LMAN1: variants seen among roughly 807,000 people sequenced by gnomAD.
LMAN1 encodes protein ERGIC-53.
A neutral mutation model predicts 67.8 loss-of-function variants in LMAN1; 32 were observed. The ratio of observed to expected loss-of-function variants is 0.47; its 90% CI spans 0.36 to 0.63. The LOEUF (loss-of-function observed/expected upper bound fraction) is 0.63, where lower values mean the gene tolerates loss of function less well. LMAN1 is among the 30% of genes least tolerant of loss of function. The pLI, the probability that LMAN1 is intolerant of heterozygous loss-of-function variation, is 0.00. For missense variants in LMAN1, 632 were observed against 628.2 expected (o/e 1.01, Z -0.06); for synonymous variants, 235 against 219.3 (o/e 1.07, Z -0.63).
chr18:59,340,907 C>T (rs1338707656), intron 8 of LMAN1, among the ~76,000 whole-genome samples: 1 of 152,050 alleles, frequency 6.6e-6, no homozygotes, highest in Non-Finnish European at 1.5e-5. Context: ...ATTAAATGTT[C>T]CACTAAAAGA....
At chr18:59,346,728 C>G (rs1603395308) in intron 7 of LMAN1, among the ~76,000 whole-genome samples, 1 of 151,340 alleles carries the variant, frequency 6.6e-6, no homozygotes, top group East Asian at 2.0e-4. Flanking sequence ...CCATGTTGGT[C>G]AGGCTGGTCT....
At chr18:59,351,850 AATT>A (rs1454998433) in intron 5 of LMAN1, among the ~76,000 whole-genome samples, 1 of 152,176 alleles carries the variant, frequency 6.6e-6, no homozygotes, top group Non-Finnish European at 1.5e-5. Flanking sequence ...CAGGGTGAAT[AATT>A]ATAGTGGAAT....
rs2070739878 is a variant in LMAN1 at position 59,330,332 on chromosome 18, C to T, written c.*761G>A. The T allele has an allele frequency of 6.6e-6, 1 of 152,444 alleles. No individual in the cohort carries two copies. Among genetic ancestry groups the T allele is most frequent in the Non-Finnish European group, 1.5e-5 (1 of 67,992 alleles). 9.4% of individuals were successfully genotyped at this position (152,444 alleles called of 1,614,324 possible). ...TAAAAATTATTTTCATAATATTGAC[C>T]TGACCCCATTGGAATGAAGACATTC... is the stretch of plus-strand genomic sequence containing the variant. On this transcript the variant is annotated 3_prime_UTR_variant, in exon 13 of 13. Transcript: ENST00000251047.
In LMAN1 at chr18:59,338,930, C is replaced by T; in HGVS notation, c.979G>A (p.Gly327Arg). The T allele has an allele frequency of 6.2e-7, 1 of 1,612,940 alleles. No homozygotes were observed. The highest frequency in any genetic ancestry group is 1.1e-5 in the South Asian group (1 of 91,062). Residue 327 changes from glycine to arginine, a missense_variant, in exon 9 of 13, where the codon GGA becomes AGA. Coordinates refer to ENST00000251047, the MANE Select transcript of LMAN1 (RefSeq NM_005570.4). ...AAGACTTGTCTTAGCTCTCGATCTCCTACACTCTCAAATATTTCCTCCGCT... is the reference window on the plus strand; with the variant it reads ...AAGACTTGTCTTAGCTCTCGATCTCTTACACTCTCAAATATTTCCTCCGCT... The part of the protein sequence containing the change: ...QPAEEIFESV[G>R]DRELRQVFEG...
At chr18:59,348,907 G>A (rs1246156818) in intron 6 of LMAN1, among the ~76,000 whole-genome samples, 3 of 152,148 alleles carry the variant, frequency 2.0e-5, no homozygotes, top group African/African-American at 7.2e-5. Flanking sequence ...CTTGTATACA[G>A]CCCCAGTTAA....
In LMAN1 at chr18:59,359,197, C is replaced by A. The variant is rs918484420; in HGVS notation, c.48G>T (p.Leu16=). Residue 16 remains leucine (L), a synonymous_variant, in exon 1 of 13, where the codon CTG becomes CTT. Transcript: ENST00000251047. ...CGAGTGACAGCAGCAAGGCGCAGAA[C>A]AGCGGCCGAACTCTGGCCCGGAGAC... The part of the protein sequence containing the change: ...QRGLRARVRP[L]FCALLLSLGR... 1.9e-6 allele frequency: 3 copies of A among 1,614,044 alleles called. No individual in the cohort carries two copies. Among genetic ancestry groups the A allele is most frequent in the Non-Finnish European group, 2.5e-6 (3 of 1,179,930 alleles).
chr18:59,348,973 G>A lies in LMAN1; in HGVS notation c.763+140C>T, dbSNP rs12456312. 1.8e-3 allele frequency: 1,832 copies of A among 991,272 alleles called. 10 individuals carry two copies. The highest frequency in any genetic ancestry group is 4.4e-3 in the South Asian group (331 of 75,638). The allele number at this position is 991,272 out of a possible 1,614,324, so 61.4% of individuals were successfully genotyped here. ...AATTAGCAATCTCAACAGACCAAAAGACTGGCACAAGAGGTGATGGGAAAG... is the reference window on the plus strand; with the variant it reads ...AATTAGCAATCTCAACAGACCAAAAAACTGGCACAAGAGGTGATGGGAAAG... On this transcript the variant is annotated intron_variant, in intron 6 of 12. Coordinates refer to ENST00000251047, the MANE Select transcript of LMAN1 (RefSeq NM_005570.4).
In LMAN1 at chr18:59,330,231, A is replaced by C. The variant is rs1310114000; in HGVS notation, c.*862T>G. The C allele has an allele frequency of 1.3e-5, 2 of 152,634 alleles. No homozygotes were observed. The highest frequency in any genetic ancestry group is 4.8e-5 in the African/African-American group (2 of 41,454). 9.5% of individuals were successfully genotyped at this position (152,634 alleles called of 1,614,324 possible). A position where few individuals can be genotyped will look rare whatever the true frequency, so the allele number is the denominator to read the frequency against. The stretch of plus-strand genomic sequence containing the variant: ...GCAGGTTTTGTGAATTTAAATCCTC[A>C]GATCATGCAATTTGAGCTGAATTTA... On this transcript the variant is annotated 3_prime_UTR_variant, in exon 13 of 13. Transcript: ENST00000251047.
At chr18:59,345,875 T>TC (rs771859168) in intron 8 of LMAN1, 44 bp downstream of exon 8, 126 of 1,611,990 alleles carry the variant, frequency 7.8e-5, no homozygotes, top group Non-Finnish European at 9.9e-5. Context: ...ATCAACAGCC[T>TC]CAAGCCCTGC....
intron 8 of LMAN1, among the ~76,000 whole-genome samples, chr18:59,344,742 A>G (rs1908362448): frequency 6.6e-6 from 1 of 152,134 alleles, no homozygotes; most frequent in African/African-American, 2.4e-5. Flanking sequence ...AGACTTCACC[A>G]CTATATGACA....
chr18:59,358,152 A>C (rs1227072081), intron 1 of LMAN1, among the ~76,000 whole-genome samples: 2 of 152,130 alleles, frequency 1.3e-5, no homozygotes, highest in South Asian at 2.1e-4. Flanking sequence ...CAGCACTAAA[A>C]AGTGCAGATA....
At chr18:59,352,636 C>T (rs993049975) in intron 5 of LMAN1, 10 of 167,572 alleles carry the variant, frequency 6.0e-5, no homozygotes, top group African/African-American at 2.4e-4. Context: ...CGCACACACA[C>T]ACACCCTCTT....
intron 11 of LMAN1, among the ~76,000 whole-genome samples, chr18:59,332,287 A>G (rs866427244): frequency 6.6e-6 from 1 of 151,702 alleles, no homozygotes; most frequent in Non-Finnish European, 1.5e-5. Context: ...GGGGACAGAT[A>G]ATAATGCTTT....
At chr18:59,331,313 T>G (rs535460168) in intron 12 of LMAN1, 105 bp downstream of exon 12, 4 of 1,248,160 alleles carry the variant, frequency 3.2e-6, no homozygotes, top group Non-Finnish European at 4.6e-6. Flanking sequence ...AAACTTAATT[T>G]TATAGGTGGT....
rs1467069402 is a variant in LMAN1 at position 59,355,324 on chromosome 18, T to G, written c.466A>C (p.Asn156His). ...GVGIFFDSFDNDGKKNNPAIV... is the reference protein window; with the variant it reads ...GVGIFFDSFDHDGKKNNPAIV... ...GACAATAAATATACCTTTCCATCAT[T>G]GTCAAAAGAATCAAAAAATATTCCA... Residue 156 changes from asparagine (N) to histidine (H), a missense_variant, in exon 3 of 13, where the codon AAT becomes CAT. By Grantham distance (68) the Asn-to-His change is moderately conservative (BLOSUM62 1). Coordinates refer to ENST00000251047, the MANE Select transcript of LMAN1 (RefSeq NM_005570.4). 6.2e-7 allele frequency: 1 copy of G among 1,611,718 alleles called. No homozygotes were observed. The highest frequency in any genetic ancestry group is 8.5e-7 in the Non-Finnish European group (1 of 1,178,216).
intron 12 of LMAN1, 53 bp from the exon 13 acceptor site, chr18:59,331,182 G>A: frequency 7.0e-7 from 1 of 1,431,806 alleles, no homozygotes; most frequent in Non-Finnish European, 9.8e-7. Flanking sequence ...CTTAACTTTG[G>A]AAAGAAACAG....
Position 59,331,117 on chromosome 18 carries a change from T to C in LMAN1, c.1509A>G (p.Glu503=). The change falls in exon 13 of 13, where the codon GAA becomes GAG. Residue 503 remains glutamate, a synonymous_variant. Coordinates refer to ENST00000251047, the MANE Select transcript of LMAN1 (RefSeq NM_005570.4). ...GTCAAAAGAATTTTTTGGCAGCTGC[T>C]TCTTGCTGAGACCTAATGAAAAAAA... The part of the protein sequence containing the change: ...IGYIMYRSQQ[E]AAAKKFF The C allele has an allele frequency of 6.2e-7, 1 of 1,611,968 alleles. No homozygotes were observed. The highest frequency in any genetic ancestry group is 8.5e-7 in the Non-Finnish European group (1 of 1,178,418).
chr18:59,351,998 A>C (rs1908553326), intron 5 of LMAN1, among the ~76,000 whole-genome samples: 1 of 152,238 alleles, frequency 6.6e-6, no homozygotes, highest in Non-Finnish European at 1.5e-5. Context: ...CAGGAGTGTA[A>C]GTCTAGCTCA....
chr18:59,343,690 T>C (rs1405350631), intron 8 of LMAN1, among the ~76,000 whole-genome samples: 3 of 151,998 alleles, frequency 2.0e-5, no homozygotes, highest in South Asian at 2.1e-4. Flanking sequence ...CATGAAACCA[T>C]ACAAATCCTA....
Sources: gnomAD v4.1 joint callset for allele counts (sites outside exome capture counted in the v4.1 genomes callset) on GRCh38, gnomAD v4.1.1 for gene constraint, MANE v1.5 for transcripts, NCBI Gene and HGNC (gene_info 2026-07-23, HGNC 2026-07-21) for gene names.